Variants in SLC20A2 observed in about 807,000 individuals in gnomAD.
SLC20A2 encodes the protein solute carrier family 20 member 2, also known as sodium-dependent phosphate transporter 2.
A neutral mutation model predicts 61.0 loss-of-function variants in SLC20A2; 30 were observed. The ratio of observed to expected loss-of-function variants is 0.49; its 90% CI spans 0.37 to 0.67. The LOEUF is 0.67. SLC20A2 is among the 30% of genes least tolerant of loss of function. SLC20A2 has a pLI of 0.00. For missense variants in SLC20A2, 626 were observed against 866.4 expected (o/e 0.72, Z 3.48); for synonymous variants, 351 against 353.3 (o/e 0.99, Z 0.07).
At chr8:42,535,947 G>A (rs961413910) in intron 1 of SLC20A2, among the ~76,000 whole-genome samples, 1 of 152,010 alleles carries the variant, frequency 6.6e-6, no homozygotes, top group East Asian at 1.9e-4. Context: ...TCATAACATG[G>A]GACTGGTAGA....
intron 5 of SLC20A2, among the ~76,000 whole-genome samples, chr8:42,459,228 T>G (rs1244934546): frequency 2.8e-5 from 3 of 106,580 alleles, no homozygotes; most frequent in Admixed American, 2.3e-4. Flanking sequence ...AGAGTGAGAC[T>G]CTATCTCAAA....
chr8:42,439,366 T>C (rs1442365049), intron 7 of SLC20A2, 84 bp downstream of exon 7: 3 of 1,307,438 alleles, frequency 2.3e-6, no homozygotes, highest in South Asian at 1.3e-5. Flanking sequence ...TAAAACCAGA[T>C]TGCCCACACC....
chr8:42,469,682 C>G (rs903267983), intron 2 of SLC20A2, among the ~76,000 whole-genome samples: 1 of 152,190 alleles, frequency 6.6e-6, no homozygotes, highest in Non-Finnish European at 1.5e-5. Flanking sequence ...GTAATCCCAG[C>G]ACTTTGGGAG....
At chr8:42,522,878 TAA>T (rs60134886) in intron 1 of SLC20A2, among the ~76,000 whole-genome samples, 29,909 of 84,216 alleles carry the variant, frequency 0.36, 5,072 homozygotes, top group Non-Finnish European at 0.44. Flanking sequence ...CTAATAATAA[TAA>T]AAAAAAAAAA....
chr8:42,423,399 C>T (rs1427933370), intron 10 of SLC20A2, among the ~76,000 whole-genome samples: 1 of 151,436 alleles, frequency 6.6e-6, no homozygotes, highest in East Asian at 1.9e-4. Flanking sequence ...TATGTTGCCC[C>T]AGGCTGGTTT....
At chr8:42,497,502 G>A (rs116137015) in intron 1 of SLC20A2, among the ~76,000 whole-genome samples, 2,803 of 152,010 alleles carry the variant, frequency 0.018, 38 homozygotes, top group Middle Eastern at 0.037. Flanking sequence ...CCCCACTGTC[G>A]GCACCTCTGT....
In SLC20A2 at chr8:42,463,100, T is replaced by TAAA; in HGVS notation, c.431-13_431-11dup. 7.0e-7 allele frequency: 1 copy of TAAA among 1,436,102 alleles called. No homozygotes were observed. The highest frequency in any genetic ancestry group is 9.5e-7 in the Non-Finnish European group (1 of 1,053,152). 89.0% of individuals were successfully genotyped at this position (1,436,102 alleles called of 1,614,324 possible). On this transcript the variant is annotated splice_polypyrimidine_tract_variant and intron_variant, in intron 3 of 10. Transcript: ENST00000520262. ...ATAAACCAAGAAGCAACTGAATAATTAAAAAAAAAATCTAATGAATGTTAA... is the reference window on the plus strand; with the variant it reads ...ATAAACCAAGAAGCAACTGAATAATTAAAAAAAAAAAAATCTAATGAATGTTAA...
At chr8:42,459,464 C>T (rs1015488688) in intron 5 of SLC20A2, among the ~76,000 whole-genome samples, 3 of 152,098 alleles carry the variant, frequency 2.0e-5, no homozygotes, top group Non-Finnish European at 4.4e-5. Context: ...TGGACTGTCC[C>T]GCTCACTGGG....
chr8:42,499,530 T>A (rs1810188153), intron 1 of SLC20A2, among the ~76,000 whole-genome samples: 1 of 152,166 alleles, frequency 6.6e-6, no homozygotes, highest in African/African-American at 2.4e-5. Context: ...TACAGAAACG[T>A]CTGTGAAATT....
intron 1 of SLC20A2, among the ~76,000 whole-genome samples, chr8:42,488,710 C>A (rs1809250430): frequency 6.6e-6 from 1 of 152,086 alleles, no homozygotes; most frequent in South Asian, 2.1e-4. Flanking sequence ...CACCTGTTAT[C>A]TTCTGTTGGT....
At chr8:42,533,958 T>TCCCC (rs1384841643) in intron 1 of SLC20A2, among the ~76,000 whole-genome samples, 15 of 73,266 alleles carry the variant, frequency 2.0e-4, no homozygotes, top group Non-Finnish European at 2.5e-5. Context: ...TACAAAAACT[T>TCCCC]CTCCCTCTCT....
intron 10 of SLC20A2, among the ~76,000 whole-genome samples, chr8:42,423,501 ATTTTATAGAGAT>A (rs534886868): frequency 1.2e-3 from 181 of 152,232 alleles, no homozygotes; most frequent in African/African-American, 4.2e-3. Context: ...TGTTTTTAAA[ATTTTATAGAGAT>A]TTTTATCATG....
chr8:42,476,239 T>C (rs1231664456), intron 1 of SLC20A2, among the ~76,000 whole-genome samples: 1 of 151,654 alleles, frequency 6.6e-6, no homozygotes, highest in Non-Finnish European at 1.5e-5. Context: ...TGGGACTAAA[T>C]AGGCGCCCGC....
At chr8:42,488,180 CTTTTTT>C (rs35200743) in intron 1 of SLC20A2, among the ~76,000 whole-genome samples, 2 of 87,030 alleles carry the variant, frequency 2.3e-5, no homozygotes, top group East Asian at 3.7e-4. Context: ...AATAATACTG[CTTTTTT>C]TTTTTTTTTT....
At chr8:42,517,426 T>C (rs568775590) in intron 1 of SLC20A2, among the ~76,000 whole-genome samples, 1 of 152,124 alleles carries the variant, frequency 6.6e-6, no homozygotes, top group South Asian at 2.1e-4. Flanking sequence ...AATGTGCTAT[T>C]GATGGGAACT....
chr8:42,486,954 C>CTGG (rs1335279179), intron 1 of SLC20A2, among the ~76,000 whole-genome samples: 29 of 152,070 alleles, frequency 1.9e-4, no homozygotes, highest in Non-Finnish European at 3.4e-4. Context: ...ACAACCTCCA[C>CTGG]CTCCTGGGTT....
intron 8 of SLC20A2, among the ~76,000 whole-genome samples, chr8:42,435,350 G>A (rs943358100): frequency 5.3e-5 from 8 of 152,148 alleles, no homozygotes; most frequent in African/African-American, 1.9e-4. Flanking sequence ...TCCCCTGAAA[G>A]GTCAGTGGAC....
intron 1 of SLC20A2, among the ~76,000 whole-genome samples, chr8:42,523,090 T>G (rs1313911251): frequency 6.6e-6 from 1 of 152,010 alleles, no homozygotes; most frequent in East Asian, 1.9e-4. Context: ...CCCAGCACTT[T>G]GAGAGGCCGA....
intron 10 of SLC20A2, among the ~76,000 whole-genome samples, chr8:42,426,203 A>T (rs945824981): frequency 1.3e-5 from 2 of 152,236 alleles, no homozygotes; most frequent in Non-Finnish European, 2.9e-5. Flanking sequence ...TAGATAATTC[A>T]AGAGTTTGGC....
Sources: allele counts gnomAD v4.1 joint callset (sites outside exome capture counted in the v4.1 genomes callset), GRCh38; gene constraint gnomAD v4.1.1; transcripts MANE v1.5; gene names NCBI Gene and HGNC (gene_info 2026-07-23, HGNC 2026-07-21).